ITGB1: variants seen among roughly 807,000 people sequenced by gnomAD.
ITGB1 encodes the protein integrin subunit beta 1, also known as integrin beta-1.
In ITGB1, 24 loss-of-function variants were observed where a neutral mutation model predicts 86.5. The observed-to-expected ratio is 0.28, with a 90% CI of 0.20 to 0.39. The LOEUF (loss-of-function observed/expected upper bound fraction) is 0.39. Ranked by LOEUF, ITGB1 falls within the 10% of genes least tolerant of loss-of-function variation. ITGB1 has a pLI of 1.00. For synonymous variants in ITGB1, 323 were observed against 316.8 expected (o/e 1.02, Z -0.21); for missense variants, 556 against 946.9 (o/e 0.59, Z 5.42).
intron 1 of ITGB1, among the ~76,000 whole-genome samples, chr10:32,953,140 C>T (rs1324843712): frequency 2.0e-5 from 3 of 152,212 alleles, no homozygotes; most frequent in African/African-American, 4.8e-5. Flanking sequence ...TTCGCTCATA[C>T]CATTCCAAGC....
At chr10:32,929,448 T>C (rs1377876823) in intron 4 of ITGB1, among the ~76,000 whole-genome samples, 1 of 152,154 alleles carries the variant, frequency 6.6e-6, no homozygotes, top group East Asian at 1.9e-4. Flanking sequence ...ACAAAAACCT[T>C]AACAGTTTAA....
intron 9 of ITGB1, 56 bp downstream of exon 9, chr10:32,922,199 TAC>T: frequency 1.8e-6 from 2 of 1,081,282 alleles, no homozygotes; most frequent in South Asian, 2.9e-5. Flanking sequence ...ACTTTCTTTG[TAC>T]AAAGTATTCT....
chr10:32,902,426 C>A lies in ITGB1; in HGVS notation c.2332-791G>T, dbSNP rs146853676. ...TGTATCACCCTTTTCCTTAAAAATT[C>A]TCTTATACTATAACTGCTACATTTA... On this transcript the variant is annotated intron_variant, in intron 15 of 15. Coordinates refer to ENST00000302278, the MANE Select transcript of ITGB1 (RefSeq NM_002211.4). 3.9e-3 allele frequency among the ~76,000 whole-genome samples: 595 copies of A among 152,234 alleles called. 2 individuals carry two copies. Among genetic ancestry groups the A allele is most frequent in the Middle Eastern group, 0.027 (8 of 294 alleles).
intron 15 of ITGB1, among the ~76,000 whole-genome samples, chr10:32,906,880 A>G (rs1031464058): frequency 3.3e-5 from 5 of 152,226 alleles, no homozygotes; most frequent in African/African-American, 4.8e-5. Flanking sequence ...TGCTGTTTCT[A>G]TATCACATTA....
At chr10:32,926,450 G>C (rs114382303) in intron 5 of ITGB1, among the ~76,000 whole-genome samples, 2 of 152,102 alleles carry the variant, frequency 1.3e-5, no homozygotes, top group African/African-American at 4.8e-5. Flanking sequence ...CGATCATGGG[G>C]GCAGATCAAT....
chr10:32,912,296 T>C (rs897129263), intron 11 of ITGB1, among the ~76,000 whole-genome samples, 172 bp from the exon 12 acceptor site: 8 of 152,208 alleles, frequency 5.3e-5, no homozygotes, highest in African/African-American at 1.9e-4. Flanking sequence ...TGGGGCTTGC[T>C]GGACAGTAGG....
At chr10:32,957,244 G>C (rs1316453026) in intron 1 of ITGB1, among the ~76,000 whole-genome samples, 1 of 152,190 alleles carries the variant, frequency 6.6e-6, no homozygotes, top group Non-Finnish European at 1.5e-5. Flanking sequence ...ATACCAATGA[G>C]TGCAAAGTTT....
At chr10:32,933,202 C>A (rs947410532) in intron 2 of ITGB1, 2 of 152,050 alleles carry the variant, frequency 1.3e-5, no homozygotes, top group Non-Finnish European at 2.9e-5. Flanking sequence ...CTGAAAGCCA[C>A]AGAGAGACAT....
At position 32,940,763 on chromosome 10, in the gene ITGB1, A is replaced by G. The variant is rs868496032; in HGVS notation, c.1-5205T>C. ...TCATTCACAAATTTTTTGACTCACTACAATATGCACTTGAAGAAGTACATC... is the reference window on the plus strand; with the variant it reads ...TCATTCACAAATTTTTTGACTCACTGCAATATGCACTTGAAGAAGTACATC... On this transcript the variant is annotated intron_variant, in intron 1 of 15. Coordinates refer to ENST00000302278, the MANE Select transcript of ITGB1 (RefSeq NM_002211.4). Among the ~76,000 whole-genome samples, 7 of 152,236 alleles carry G rather than the reference A, an allele frequency of 4.6e-5. No individual in the cohort carries two copies. The South Asian group carries it at 1.0e-3, about 22-fold the overall frequency.
At chr10:32,918,585 G>A (rs1188344878) in intron 11 of ITGB1, among the ~76,000 whole-genome samples, 1 of 152,048 alleles carries the variant, frequency 6.6e-6, no homozygotes, top group Admixed American at 6.6e-5. Context: ...ATATGCAAGA[G>A]TCTAGGAAAA....
At chr10:32,928,380 A>G (rs574570627) in intron 4 of ITGB1, 116 bp from the exon 5 acceptor site, 12 of 570,400 alleles carry the variant, frequency 2.1e-5, no homozygotes, top group Admixed American at 2.8e-5. Context: ...ACATGTTGTC[A>G]TAATTTTTAC....
In ITGB1 at chr10:32,926,045, C is replaced by T. The variant is rs2094963476; in HGVS notation, c.612G>A (p.Arg204=). The change falls in exon 6 of 16, where the codon AGG becomes AGA. Residue 204 remains arginine (R), a synonymous_variant. Transcript: ENST00000302278. The part of the protein sequence containing the change: ...PYISTTPAKL[R]NPCTSEQNCT... ...AGTTCTGTTCACTTGTGCAAGGGTT[C>T]CTGAGCTTAGCTGGTGTTGTGCTAA... 6.2e-6 allele frequency: 10 copies of T among 1,613,980 alleles called. No individual in the cohort carries two copies. The highest frequency in any genetic ancestry group is 8.5e-6 in the Non-Finnish European group (10 of 1,180,012).
chr10:32,914,077 G>T (rs1414058338), intron 11 of ITGB1, among the ~76,000 whole-genome samples: 1 of 152,168 alleles, frequency 6.6e-6, no homozygotes, highest in Non-Finnish European at 1.5e-5. Context: ...AGCTTTAAGT[G>T]AAAGAGAAAT....
chr10:32,953,157 C>T (rs1404487978), intron 1 of ITGB1, among the ~76,000 whole-genome samples: 1 of 152,174 alleles, frequency 6.6e-6, no homozygotes, highest in Non-Finnish European at 1.5e-5. Flanking sequence ...AAGCTCAGGC[C>T]TCATCTCCTA....
At chr10:32,939,759 AG>A (rs1565831267) in intron 1 of ITGB1, among the ~76,000 whole-genome samples, 4 of 141,212 alleles carry the variant, frequency 2.8e-5, no homozygotes, top group South Asian at 2.5e-4. Context: ...TGAGTGAGTG[AG>A]TGAGTGAGAG....
Position 32,901,645 on chromosome 10 carries a change from A to G in ITGB1, c.2332-10T>C. ...AAATAGGATTTTCACCCTACAACAAAAAAAAAGTGAGAAAAATTATCAGTT... is the reference window on the plus strand; with the variant it reads ...AAATAGGATTTTCACCCTACAACAAGAAAAAAGTGAGAAAAATTATCAGTT... On this transcript the variant is annotated splice_polypyrimidine_tract_variant and intron_variant, in intron 15 of 15. Transcript: ENST00000302278. 3.2e-6 allele frequency: 5 copies of G among 1,565,608 alleles called. No individual in the cohort carries two copies. Among genetic ancestry groups the G allele is most frequent in the Non-Finnish European group, 4.4e-6 (5 of 1,143,726 alleles).
chr10:32,904,701 T>C (rs908867254), intron 15 of ITGB1, among the ~76,000 whole-genome samples: 3 of 152,216 alleles, frequency 2.0e-5, no homozygotes, highest in Admixed American at 6.5e-5. Context: ...TTTATTTCAA[T>C]TGTTAATTTC....
chr10:32,939,075 G>A (rs905359795), intron 1 of ITGB1, among the ~76,000 whole-genome samples: 8 of 152,196 alleles, frequency 5.3e-5, no homozygotes, highest in Non-Finnish European at 8.8e-5. Context: ...ACTTCTCTAA[G>A]TGGGCCTAGA....
At chr10:32,910,983 C>T (rs146981875) in intron 13 of ITGB1, among the ~76,000 whole-genome samples, 2,694 of 152,266 alleles carry the variant, frequency 0.018, 25 homozygotes, top group East Asian at 0.041. Context: ...AAGTGATCCA[C>T]CTGTCTCGGC....
Sources: gnomAD v4.1 joint callset for allele counts (sites outside exome capture counted in the v4.1 genomes callset) on GRCh38, gnomAD v4.1.1 for gene constraint, MANE v1.5 for transcripts, NCBI Gene and HGNC (gene_info 2026-07-23, HGNC 2026-07-21) for gene names.